LRP1B: variants seen among roughly 807,000 people sequenced by gnomAD.
The protein encoded by LRP1B is LDL receptor related protein 1B, also known as low-density lipoprotein receptor-related protein 1B.
LRP1B carries 217 observed loss-of-function variants against 556.6 expected under a neutral mutation model. The observed-to-expected ratio is 0.39, with a 90% CI of 0.35 to 0.44. The LOEUF (loss-of-function observed/expected upper bound fraction) is 0.44. Among genes scored for constraint, LRP1B ranks in the 20% least tolerant of loss-of-function variants. The pLI, the probability that LRP1B is intolerant of heterozygous loss-of-function variation, is 1.00. For missense variants in LRP1B, 5,053 were observed against 5,620.8 expected (o/e 0.90, Z 3.23); for synonymous variants, 2,047 against 1,865.8 (o/e 1.10, Z -2.50).
intron 41 of LRP1B, among the ~76,000 whole-genome samples, chr2:140,635,945 T>C (rs1406932654): frequency 6.6e-6 from 1 of 152,272 alleles, no homozygotes; most frequent in East Asian, 1.9e-4. Context: ...TTATTCTTAG[T>C]AATCTACGCT....
intron 1 of LRP1B, among the ~76,000 whole-genome samples, chr2:142,068,897 G>A (rs1480034342): frequency 6.6e-6 from 1 of 151,612 alleles, no homozygotes; most frequent in Non-Finnish European, 1.5e-5. Flanking sequence ...GTAAGTTTAT[G>A]TGTAGAAGTT....
At chr2:141,570,584 AGTTTGACCTCGGAAGAGG>A (rs66777418) in intron 2 of LRP1B, among the ~76,000 whole-genome samples, 52,631 of 150,394 alleles carry the variant, frequency 0.35, 12,119 homozygotes, top group Non-Finnish European at 0.47. Context: ...CTATCTAAAC[AGTTTGACCTCGGAAGAGG>A]GTGAGGGGTA....
chr2:141,425,167 G>A (rs1276838457), intron 3 of LRP1B, among the ~76,000 whole-genome samples: 1 of 151,748 alleles, frequency 6.6e-6, no homozygotes, highest in East Asian at 1.9e-4. Flanking sequence ...AGAACATGCG[G>A]TATTTGGTTT....
intron 7 of LRP1B, among the ~76,000 whole-genome samples, chr2:141,071,246 G>C (rs1231785475): frequency 6.7e-6 from 1 of 149,818 alleles, no homozygotes; most frequent in African/African-American, 2.5e-5. Flanking sequence ...CAGAACCAAA[G>C]ACAAAAACCA....
chr2:141,523,293 A>G (rs1051350112), intron 2 of LRP1B, among the ~76,000 whole-genome samples: 1 of 152,130 alleles, frequency 6.6e-6, no homozygotes, highest in African/African-American at 2.4e-5. Context: ...TGAGTTTTTG[A>G]AATGATAATG....
intron 1 of LRP1B, among the ~76,000 whole-genome samples, chr2:141,942,288 G>T (rs1410251556): frequency 6.6e-6 from 1 of 152,152 alleles, no homozygotes; most frequent in Non-Finnish European, 1.5e-5. Context: ...GCTCAATGAA[G>T]TAAATAGTTA....
intron 24 of LRP1B, among the ~76,000 whole-genome samples, chr2:140,884,901 A>C (rs974571111): frequency 6.6e-6 from 1 of 152,114 alleles, no homozygotes; most frequent in South Asian, 2.1e-4. Flanking sequence ...TTTGGTAGAG[A>C]TGGGGTTTTG....
intron 1 of LRP1B, among the ~76,000 whole-genome samples, chr2:142,005,669 C>T (rs953332715): frequency 4.6e-5 from 7 of 151,892 alleles, no homozygotes; most frequent in Non-Finnish European, 1.0e-4. Context: ...GACTGTAATG[C>T]TATATTCATT....
chr2:141,956,217 G>A (rs1701247595), intron 1 of LRP1B, among the ~76,000 whole-genome samples: 1 of 152,026 alleles, frequency 6.6e-6, no homozygotes, highest in Non-Finnish European at 1.5e-5. Flanking sequence ...TTTCCACCAG[G>A]AGTATGAATG....
At chr2:141,439,037 C>A (rs548329258) in intron 3 of LRP1B, among the ~76,000 whole-genome samples, 1 of 152,218 alleles carries the variant, frequency 6.6e-6, no homozygotes, top group South Asian at 2.1e-4. Context: ...TTGGAATTTA[C>A]AATTTCAACC....
At chr2:140,682,844 G>A (rs1685911295) in intron 41 of LRP1B, among the ~76,000 whole-genome samples, 1 of 152,112 alleles carries the variant, frequency 6.6e-6, no homozygotes, top group South Asian at 2.1e-4. Context: ...CACTGCAATT[G>A]TTTAGCAGAG....
intron 2 of LRP1B, among the ~76,000 whole-genome samples, chr2:141,599,132 C>T (rs1195840907): frequency 5.5e-5 from 7 of 127,406 alleles, no homozygotes; most frequent in African/African-American, 2.1e-4. Flanking sequence ...CAGATCAACT[C>T]CACAAAGGGC....
intron 2 of LRP1B, among the ~76,000 whole-genome samples, chr2:141,506,798 T>C (rs899199929): frequency 7.2e-5 from 11 of 152,142 alleles, no homozygotes; most frequent in African/African-American, 2.4e-4. Flanking sequence ...GTGTTTTTTA[T>C]GTTATTAAAA....
intron 35 of LRP1B, among the ~76,000 whole-genome samples, chr2:140,752,589 T>G (rs888075632): frequency 1.3e-5 from 2 of 152,160 alleles, no homozygotes; most frequent in Non-Finnish European, 2.9e-5. Context: ...CCTCCCAGAG[T>G]GCTGGGATGA....
At chr2:140,601,896 G>T (rs1245316442) in intron 41 of LRP1B, among the ~76,000 whole-genome samples, 1 of 151,866 alleles carries the variant, frequency 6.6e-6, no homozygotes, top group East Asian at 1.9e-4. Flanking sequence ...TTAAATAATT[G>T]CCTTTCATTT....
intron 1 of LRP1B, among the ~76,000 whole-genome samples, chr2:142,099,515 C>T (rs1706498438): frequency 6.6e-6 from 1 of 151,760 alleles, no homozygotes; most frequent in Non-Finnish European, 1.5e-5. Flanking sequence ...AAGAAAGGCA[C>T]CTTCTCTATA....
intron 3 of LRP1B, among the ~76,000 whole-genome samples, chr2:141,350,384 C>T (rs1688401508): frequency 6.6e-6 from 1 of 151,970 alleles, no homozygotes; most frequent in African/African-American, 2.4e-5. Context: ...GAGAAAGTAA[C>T]TAGGAACCAG....
At chr2:141,219,539 G>A (rs1573669969) in intron 6 of LRP1B, among the ~76,000 whole-genome samples, 1 of 152,182 alleles carries the variant, frequency 6.6e-6, no homozygotes, top group African/African-American at 2.4e-5. Context: ...CCAGATGAGG[G>A]GGATTCTCCC....
intron 3 of LRP1B, among the ~76,000 whole-genome samples, chr2:141,424,656 A>G (rs1420888660): frequency 6.6e-6 from 1 of 152,114 alleles, no homozygotes; most frequent in Non-Finnish European, 1.5e-5. Context: ...CATATTTTTC[A>G]TTTCTTTAAT....
Sources: gnomAD v4.1 joint callset for allele counts (sites outside exome capture counted in the v4.1 genomes callset) on GRCh38, gnomAD v4.1.1 for gene constraint, MANE v1.5 for transcripts, NCBI Gene and HGNC (gene_info 2026-07-23, HGNC 2026-07-21) for gene names.